The following KHDC4 variants were observed in gnomAD, a reference collection of about 807,000 sequenced individuals.
The protein encoded by KHDC4 is KH domain containing 4, pre-mRNA splicing factor.
In KHDC4, 19 loss-of-function variants were observed where a neutral mutation model predicts 74.5. The ratio of observed to expected loss-of-function variants is 0.26; its 90% confidence interval spans 0.18 to 0.37. The LOEUF is 0.37. Among genes scored for constraint, KHDC4 ranks in the 10% least tolerant of loss-of-function variants. The probability of loss-of-function intolerance (pLI) is 1.00; values close to 1 mark genes in which losing one functional copy is unlikely to be tolerated. For synonymous variants in KHDC4, 253 were observed against 266.1 expected (o/e 0.95, Z 0.48); for missense variants, 632 against 754.1 (o/e 0.84, Z 1.90).
Position 155,925,858 on chromosome 1 carries a change from G to A in KHDC4, c.682-15C>T. 1 of 1,533,990 alleles carries A rather than the reference G, an allele frequency of 6.5e-7. No homozygotes were observed. Among genetic ancestry groups the A allele is most frequent in the African/African-American group, 1.4e-5 (1 of 73,338 alleles). The stretch of plus-strand genomic sequence containing the variant: ...ACATAATGCATCTGTAGGAAGAACA[G>A]AATACTTCAGATTAAACAGAATATA... On this transcript the variant is annotated splice_polypyrimidine_tract_variant and intron_variant, in intron 6 of 13. Transcript: ENST00000368321.
rs533806015 is a variant in KHDC4 at position 155,925,278 on chromosome 1, G to A, written c.893+354C>T. The stretch of plus-strand genomic sequence containing the variant: ...GATCTCCTGACCTCGTGATCCACCC[G>A]CCTCGGCCTCCCAAAGTGCTGGGAT... On this transcript the variant is annotated intron_variant, in intron 7 of 13. Transcript: ENST00000368321. Among the ~76,000 whole-genome samples the A allele has an allele frequency of 3.0e-4, 45 of 151,808 alleles. 1 individual carries two copies. The highest frequency in any genetic ancestry group is 3.4e-3 in the Middle Eastern group (1 of 292).
chr1:155,914,352 T>G, intron 13 of KHDC4, 32 bp from the exon 14 acceptor site: 1 of 1,422,050 alleles, frequency 7.0e-7, no homozygotes, highest in Non-Finnish European at 9.6e-7. Flanking sequence ...CCCAACCCCA[T>G]CCCCGCCAAG....
At position 155,933,683 on chromosome 1, in the gene KHDC4, T is replaced by C; in HGVS notation, c.205A>G (p.Met69Val). The part of the protein sequence containing the change: ...AAAVAAKINA[M>V]LMAKGKLKPT... Reference sequence around the variant, plus strand: ...TTCAGCTTCCCTTTTGCCATGAGCATGGCATTAATCTTGGCAGCCACAGCA... The same window carrying C: ...TTCAGCTTCCCTTTTGCCATGAGCACGGCATTAATCTTGGCAGCCACAGCA... The change falls in exon 2 of 14, where the codon ATG becomes GTG. Residue 69 changes from methionine (M) to valine (V), a missense_variant. Around this residue, in one of 4 missense-constraint regions of KHDC4, gnomAD observed 233 missense variants for 342.6 expected, o/e 0.68. Transcript: ENST00000368321. The C allele has an allele frequency of 6.2e-7, 1 of 1,612,710 alleles. No individual in the cohort carries two copies. The highest frequency in any genetic ancestry group is 8.5e-7 in the Non-Finnish European group (1 of 1,178,872).
chr1:155,914,510 G>A (rs1673690313), intron 13 of KHDC4, 190 bp from the exon 14 acceptor site: 1 of 573,818 alleles, frequency 1.7e-6, no homozygotes, highest in Non-Finnish European at 3.1e-6. Context: ...ATCAGCAAAT[G>A]TGAATCCACC....
In KHDC4 at chr1:155,918,010, G is replaced by T. The variant is rs144472949; in HGVS notation, c.1267-338C>A. Among the ~76,000 whole-genome samples the T allele has an allele frequency of 2.3e-3, 356 of 152,238 alleles. 3 individuals carry two copies. Among genetic ancestry groups the T allele is most frequent in the Middle Eastern group, 0.01 (3 of 294 alleles). On this transcript the variant is annotated intron_variant, in intron 10 of 13. Coordinates refer to ENST00000368321, the MANE Select transcript of KHDC4 (RefSeq NM_014949.4). Reference sequence around the variant, plus strand: ...ATTAGCTTTCTGTAATAAGCTTTCTGTTATTTATAAATGCTGCTAATGCTT... The same window carrying T: ...ATTAGCTTTCTGTAATAAGCTTTCTTTTATTTATAAATGCTGCTAATGCTT...
In KHDC4 at chr1:155,914,320, T is replaced by G; in HGVS notation, c.1646A>C (p.Asp549Ala). Residue 549 changes from aspartate (D) to alanine (A), a missense_variant and splice_region_variant, in exon 14 of 14, where the codon GAT (aspartate) becomes GCT (alanine). Transcript: ENST00000368321. ...AGTTTTCATCTTCTTGGCTGGATAA[T>G]CTAGAATAGAGAAAAAACAACCCCA... is the stretch of plus-strand genomic sequence containing the variant. ...NGSGTLTGSH[D>A]YPAKKMKTTE... The G allele has an allele frequency of 6.2e-7, 1 of 1,611,676 alleles. No homozygotes were observed. The highest frequency in any genetic ancestry group is 8.5e-7 in the Non-Finnish European group (1 of 1,179,040).
chr1:155,927,968 A>C (rs777761653), intron 4 of KHDC4, among the ~76,000 whole-genome samples: 12 of 152,106 alleles, frequency 7.9e-5, no homozygotes, highest in Non-Finnish European at 1.6e-4. Context: ...AGAGGACTTA[A>C]ATTATAATAA....
At chr1:155,933,573 C>T (rs979424518) in intron 2 of KHDC4, 60 bp downstream of exon 2, 10 of 1,393,402 alleles carry the variant, frequency 7.2e-6, no homozygotes, top group East Asian at 2.5e-5. Context: ...CGTAAGCCAC[C>T]GCGCCCGGCA....
chr1:155,930,330 C>T (rs1674115010), intron 2 of KHDC4, among the ~76,000 whole-genome samples: 1 of 152,174 alleles, frequency 6.6e-6, no homozygotes, highest in African/African-American at 2.4e-5. Context: ...AACGAATTAA[C>T]AAGCAAACAA....
chr1:155,917,139 CT>C (rs1673749106), intron 11 of KHDC4, among the ~76,000 whole-genome samples: 3 of 152,110 alleles, frequency 2.0e-5, no homozygotes, highest in Admixed American at 2.0e-4. Flanking sequence ...TAGTGGCTAA[CT>C]TTACAATTAC....
intron 13 of KHDC4, 61 bp from the exon 14 acceptor site, chr1:155,914,381 T>A: frequency 3.1e-6 from 4 of 1,276,530 alleles, no homozygotes; most frequent in Non-Finnish European, 4.4e-6. Flanking sequence ...AAAAATACCA[T>A]AAATTCGTTA....
intron 4 of KHDC4, among the ~76,000 whole-genome samples, chr1:155,928,718 C>T (rs541829237): frequency 2.6e-5 from 4 of 151,112 alleles, no homozygotes; most frequent in South Asian, 2.1e-4. Context: ...TTTGGGAGGC[C>T]GAGGGGGGTG....
intron 11 of KHDC4, 23 bp from the exon 12 acceptor site, chr1:155,916,760 G>A (rs779251103): frequency 6.6e-7 from 1 of 1,506,668 alleles, no homozygotes; most frequent in Admixed American, 1.8e-5. Flanking sequence ...AAATACAGTG[G>A]CATTAGCAAA....
chr1:155,929,194 G>C, intron 4 of KHDC4, 102 bp downstream of exon 4: 1 of 810,194 alleles, frequency 1.2e-6, no homozygotes, highest in Non-Finnish European at 2.1e-6. Flanking sequence ...CTCAAACCTT[G>C]AATCAAATAT....
At chr1:155,922,292 C>T (rs1452505322) in intron 8 of KHDC4, among the ~76,000 whole-genome samples, 3 of 151,890 alleles carry the variant, frequency 2.0e-5, no homozygotes, top group East Asian at 1.9e-4. Flanking sequence ...ACTACAGGCG[C>T]GTGCCACCGC....
rs74956934 is a variant in KHDC4, at chr1:155,917,845, C to A, written c.1267-173G>T. Among the ~76,000 whole-genome samples, 74 of 152,274 alleles carry A rather than the reference C, an allele frequency of 4.9e-4. 1 individual carries two copies. In the East Asian group the frequency reaches 7.9e-3, roughly 16 times the overall value. ...TAACATTATCACCTAAGCCTTCTCACCTTCATCCTAGGGAAACATGAAATT... is the reference window on the plus strand; with the variant it reads ...TAACATTATCACCTAAGCCTTCTCAACTTCATCCTAGGGAAACATGAAATT... On this transcript the variant is annotated intron_variant, in intron 10 of 13. Coordinates refer to ENST00000368321, the MANE Select transcript of KHDC4 (RefSeq NM_014949.4).
intron 13 of KHDC4, chr1:155,914,652 T>C: frequency 4.3e-6 from 1 of 233,198 alleles, no homozygotes; most frequent in South Asian, 9.1e-5. Context: ...AGAAAAGAAG[T>C]TAAGAAAAGA....
intron 10 of KHDC4, chr1:155,921,144 T>C (rs988793164): frequency 9.0e-5 from 48 of 534,486 alleles, no homozygotes; most frequent in Middle Eastern, 4.9e-4. Context: ...CCATCCCCAC[T>C]TTAAACAGCT....
rs1210268598 is a variant in KHDC4 at position 155,929,751 on chromosome 1, T to G, written c.345A>C (p.Thr115=). 8 of 1,612,962 alleles carry G rather than the reference T, an allele frequency of 5.0e-6. No homozygotes were observed. The highest frequency in any genetic ancestry group is 6.8e-6 in the Non-Finnish European group (8 of 1,179,608). The change falls in exon 3 of 14, where the codon ACA becomes ACC. Residue 115 remains threonine (T), a synonymous_variant. Coordinates refer to ENST00000368321, the MANE Select transcript of KHDC4 (RefSeq NM_014949.4). ...AEVEINDVPL[T]CRNLLTRGQT... ...GTCCTCGAGTCAGCAAGTTCCTACATGTGAGAGGCACATCATTAATTTCTA... is the reference window on the plus strand; with the variant it reads ...GTCCTCGAGTCAGCAAGTTCCTACAGGTGAGAGGCACATCATTAATTTCTA...
Sources: gnomAD v4.1 joint callset for allele counts (sites outside exome capture counted in the v4.1 genomes callset) on GRCh38, gnomAD v4.1.1 for gene constraint, gnomAD v4.1.1 regional missense constraint, MANE v1.5 for transcripts, NCBI Gene and HGNC (gene_info 2026-07-23, HGNC 2026-07-21) for gene names.